Variants in PDE10A observed in about 807,000 individuals in gnomAD.
The protein encoded by PDE10A is phosphodiesterase 10A.
In PDE10A, 39 loss-of-function variants were observed where a neutral mutation model predicts 97.7. The observed-to-expected ratio is 0.40, with a 90% CI of 0.31 to 0.52. The LOEUF (loss-of-function observed/expected upper bound fraction) is 0.52. Ranked by LOEUF, PDE10A falls within the 20% of genes least tolerant of loss-of-function variation. PDE10A has a pLI of 0.56. For synonymous variants in PDE10A, 371 were observed against 376.8 expected, an observed-to-expected ratio of 0.98 and a Z score of 0.18; for missense variants, 731 against 1,047.8, an observed-to-expected ratio of 0.70 and a Z score of 4.17.
At chr6:165,971,334 C>T (rs1784668132) in intron 1 of PDE10A, among the ~76,000 whole-genome samples, 1 of 152,114 alleles carries the variant, frequency 6.6e-6, no homozygotes, top group African/African-American at 2.4e-5. Flanking sequence ...TGATTCAATT[C>T]AGTCAAGCTT....
chr6:165,386,654 T>A (rs1375215269), intron 17 of PDE10A, among the ~76,000 whole-genome samples: 1 of 152,228 alleles, frequency 6.6e-6, no homozygotes, highest in Non-Finnish European at 1.5e-5. Flanking sequence ...TTTACATATA[T>A]GTGTAAATAT....
At position 165,499,540 on chromosome 6, in the gene PDE10A, T is replaced by C. The variant is rs145917921; in HGVS notation, c.995-17197A>G. The stretch of plus-strand genomic sequence containing the variant: ...GTTGTATCAGTTAGGAAATTATAGC[T>C]CATGGACAATTCTGAATTAAGACTT... On this transcript the variant is annotated intron_variant, in intron 2 of 21. Transcript: ENST00000539869. Among the ~76,000 whole-genome samples the C allele has an allele frequency of 2.0e-3, 298 of 152,298 alleles. 1 individual carries two copies. Among genetic ancestry groups the C allele is most frequent in the African/African-American group, 6.7e-3 (280 of 41,572 alleles).
chr6:165,943,234 A>G (rs6912165), intron 1 of PDE10A, among the ~76,000 whole-genome samples: 4,705 of 33,076 alleles, frequency 0.14, 413 homozygotes, highest in Non-Finnish European at 0.17. Flanking sequence ...AAAGAAAGAA[A>G]GAAGGAAGGA....
intron 18 of PDE10A, among the ~76,000 whole-genome samples, chr6:165,357,481 C>T (rs1237300819): frequency 6.6e-6 from 1 of 151,982 alleles, no homozygotes; most frequent in Non-Finnish European, 1.5e-5. Flanking sequence ...TGATAGCAAC[C>T]CCACATGAAG....
intron 1 of PDE10A, among the ~76,000 whole-genome samples, chr6:165,583,079 G>C (rs1188568615): frequency 6.6e-6 from 1 of 152,140 alleles, no homozygotes; most frequent in Non-Finnish European, 1.5e-5. Flanking sequence ...TGAATTTGTT[G>C]AATGCCTACT....
intron 3 of PDE10A, among the ~76,000 whole-genome samples, chr6:165,456,894 T>G (rs574630439): frequency 2.0e-5 from 3 of 152,316 alleles, no homozygotes; most frequent in Non-Finnish European, 2.9e-5. Context: ...AACTCAAATA[T>G]TAAAGGTCTA....
chr6:165,367,037 A>T (rs1180356088), intron 18 of PDE10A, among the ~76,000 whole-genome samples: 2 of 152,152 alleles, frequency 1.3e-5, no homozygotes, highest in Non-Finnish European at 2.9e-5. Flanking sequence ...GACAAAACTC[A>T]TAGAAAACCC....
Position 165,655,282 on chromosome 6 carries a change from A to G in PDE10A, c.865+6665T>C, listed in dbSNP as rs1018395322. 1.3e-5 allele frequency among the ~76,000 whole-genome samples: 2 copies of G among 152,138 alleles called. No individual in the cohort carries two copies. Among genetic ancestry groups the G allele is most frequent in the Non-Finnish European group, 2.9e-5 (2 of 68,034 alleles). On this transcript the variant is annotated intron_variant, in intron 1 of 21. Coordinates refer to ENST00000539869, the MANE Select transcript of PDE10A (RefSeq NM_001385079.1). The surrounding 1 kb of genome is among the most constrained non-coding windows in gnomAD (Gnocchi z 4.5). Reference sequence around the variant, plus strand: ...GCAGTCTTGAACGATCCTTTGGATCAAATCCTCCCAGGCTTTGTTTATCCA... The same window carrying G: ...GCAGTCTTGAACGATCCTTTGGATCGAATCCTCCCAGGCTTTGTTTATCCA...
At chr6:165,802,056 A>C (rs1779000400) in intron 1 of PDE10A, among the ~76,000 whole-genome samples, 1 of 152,218 alleles carries the variant, frequency 6.6e-6, no homozygotes, top group Admixed American at 6.5e-5. Context: ...AGCCACCCAT[A>C]ACTGAGCAGA....
intron 1 of PDE10A, among the ~76,000 whole-genome samples, chr6:165,707,534 G>C (rs186445053): frequency 6.6e-6 from 1 of 152,332 alleles, no homozygotes; most frequent in African/African-American, 2.4e-5. Context: ...CCAATTGTGT[G>C]AGGACATTTT....
At chr6:165,505,643 T>C (rs534307635) in intron 2 of PDE10A, among the ~76,000 whole-genome samples, 2 of 152,316 alleles carry the variant, frequency 1.3e-5, no homozygotes, top group East Asian at 3.9e-4. Context: ...ACTCGGTACA[T>C]TGAAATATGT....
intron 13 of PDE10A, among the ~76,000 whole-genome samples, chr6:165,399,704 C>T (rs529104814): frequency 4.6e-5 from 7 of 152,002 alleles, no homozygotes; most frequent in Middle Eastern, 3.4e-3. Context: ...CGATAGTTTG[C>T]GGAGAATGAT....
rs542603188 is a variant in PDE10A at position 165,711,893 on chromosome 6, G to A, written c.-614-168325C>T. Reference sequence around the variant, plus strand: ...GTTGGTTTTATTCTGCATCCTAGGGGTGATTGGTGACTGGGGCAACCTGAT... The same window carrying A: ...GTTGGTTTTATTCTGCATCCTAGGGATGATTGGTGACTGGGGCAACCTGAT... On this transcript the variant is annotated intron_variant, in intron 1 of 19. Transcript: ENST00000366882. This position sits in a 1 kb window ranked among gnomAD's most constrained non-coding sequence, Gnocchi z 4.5. Among the ~76,000 whole-genome samples, 86 of 152,288 alleles carry A rather than the reference G, an allele frequency of 5.6e-4. No individual in the cohort carries two copies. The highest frequency in any genetic ancestry group is 2.0e-3 in the African/African-American group (83 of 41,556).
At chr6:165,627,836 T>C (rs1344578135) in intron 1 of PDE10A, among the ~76,000 whole-genome samples, 2 of 152,234 alleles carry the variant, frequency 1.3e-5, no homozygotes, top group African/African-American at 4.8e-5. Context: ...AGCAAGACTC[T>C]GAACCTAGAA....
chr6:165,421,131 C>T (rs1226459664), intron 10 of PDE10A, among the ~76,000 whole-genome samples: 1 of 152,160 alleles, frequency 6.6e-6, no homozygotes, highest in Non-Finnish European at 1.5e-5. Context: ...GCGAGATTAT[C>T]GTCATGGTTG....
intron 1 of PDE10A, among the ~76,000 whole-genome samples, chr6:165,757,228 G>A (rs1793137831): frequency 6.6e-6 from 1 of 152,142 alleles, no homozygotes; most frequent in Non-Finnish European, 1.5e-5. Context: ...GACTCCCAAA[G>A]TGCTGGGATT....
chr6:165,355,111 T>A (rs1782942796), intron 18 of PDE10A, among the ~76,000 whole-genome samples: 1 of 152,216 alleles, frequency 6.6e-6, no homozygotes, highest in African/African-American at 2.4e-5. Flanking sequence ...TTTAATGATT[T>A]CCTTTAAAGT....
chr6:165,849,879 C>T (rs1233114090), intron 1 of PDE10A, among the ~76,000 whole-genome samples: 2 of 152,190 alleles, frequency 1.3e-5, no homozygotes, highest in Non-Finnish European at 2.9e-5. Flanking sequence ...TGTTCTCCTC[C>T]CAATCTCTGC....
At chr6:165,676,284 T>A (rs1456352482) in intron 1 of PDE10A, among the ~76,000 whole-genome samples, 1 of 152,164 alleles carries the variant, frequency 6.6e-6, no homozygotes, top group Non-Finnish European at 1.5e-5. Context: ...GGGTACAATA[T>A]ACACGATTTG....
Sources: gnomAD v4.1 joint callset for allele counts (sites outside exome capture counted in the v4.1 genomes callset) on GRCh38, gnomAD v4.1.1 for gene constraint, Gnocchi (gnomAD v3.1) non-coding constraint, MANE v1.5 for transcripts, NCBI Gene and HGNC (gene_info 2026-07-23, HGNC 2026-07-21) for gene names.